MTA3: variants seen among roughly 807,000 people sequenced by gnomAD.
The protein encoded by MTA3 is metastasis associated 1 family member 3.
MTA3 carries 34 observed loss-of-function variants against 83.5 expected under a neutral mutation model. The observed-to-expected ratio is 0.41, with a 90% confidence interval of 0.31 to 0.54. MTA3 has a LOEUF of 0.54. MTA3 is among the 20% of genes least tolerant of loss of function. The pLI is 0.33. For missense variants in MTA3, 761 were observed against 726.4 expected (o/e 1.05, Z -0.55); for synonymous variants, 303 against 252.7 (o/e 1.20, Z -1.89).
intron 7 of MTA3, 65 bp from the exon 8 acceptor site, chr2:42,659,698 A>G (rs1305561785): frequency 4.7e-6 from 6 of 1,268,678 alleles, no homozygotes; most frequent in African/African-American, 1.6e-5. Context: ...TGTTTTTTAA[A>G]ACGTTAAAAA....
chr2:42,591,095 G>A (rs909060838), intron 3 of MTA3, among the ~76,000 whole-genome samples: 5 of 114,682 alleles, frequency 4.4e-5, no homozygotes, highest in African/African-American at 1.4e-4. Flanking sequence ...ATCATAGAGT[G>A]TACTTACACA....
At chr2:42,748,447 A>C (rs991553112) in intron 16 of MTA3, among the ~76,000 whole-genome samples, 1 of 152,162 alleles carries the variant, frequency 6.6e-6, no homozygotes, top group African/African-American at 2.4e-5. Flanking sequence ...TTCTATCATC[A>C]AGTTCGCTGA....
chr2:42,590,679 G>C (rs997623848), intron 3 of MTA3, among the ~76,000 whole-genome samples: 1 of 147,880 alleles, frequency 6.8e-6, no homozygotes, highest in East Asian at 2.0e-4. Context: ...GGAGTGCAAT[G>C]GTGCGATCTC....
intron 15 of MTA3, among the ~76,000 whole-genome samples, chr2:42,721,189 C>A (rs1452455828): frequency 6.6e-6 from 1 of 151,896 alleles, no homozygotes; most frequent in African/African-American, 2.4e-5. Flanking sequence ...ATGGGTAAGA[C>A]CTTGCCCTCA....
At chr2:42,694,966 C>A (rs569176580) in intron 9 of MTA3, among the ~76,000 whole-genome samples, 154 of 151,792 alleles carry the variant, frequency 1.0e-3, no homozygotes, top group African/African-American at 3.5e-3. Flanking sequence ...TAGGGAGACC[C>A]CAACTCTACA....
chr2:42,656,253 A>G lies in MTA3; in HGVS notation c.553A>G (p.Asn185Asp). 2 of 1,613,868 alleles carry G rather than the reference A, an allele frequency of 1.2e-6. No homozygotes were observed. Among genetic ancestry groups the G allele is most frequent in the East Asian group, 2.2e-5 (1 of 44,844 alleles). ...ATTGGAAGTTAAAGTTTGGGATCCA[A>G]ATAGCCCACTTACGGATCGACAGAT... ...SKLEVKVWDP[N>D]SPLTDRQIDQ... The change falls in exon 7 of 17, where the codon AAT becomes GAT. Residue 185 changes from asparagine to aspartate, a missense_variant. Coordinates refer to ENST00000405094, the MANE Select transcript of MTA3 (RefSeq NM_001330442.2).
At chr2:42,597,300 T>G (rs1437317628) in intron 3 of MTA3, among the ~76,000 whole-genome samples, 2 of 151,112 alleles carry the variant, frequency 1.3e-5, no homozygotes, top group Non-Finnish European at 3.0e-5. Context: ...ACTGGTTTCA[T>G]GTGATCCTAC....
intron 3 of MTA3, among the ~76,000 whole-genome samples, chr2:42,608,639 T>C (rs1683796100): frequency 6.6e-6 from 1 of 152,162 alleles, no homozygotes; most frequent in Admixed American, 6.6e-5. Context: ...TCCCAGCACT[T>C]TGGGAGGCCA....
intron 14 of MTA3, among the ~76,000 whole-genome samples, chr2:42,715,291 A>AT: frequency 6.6e-6 from 1 of 151,218 alleles, no homozygotes; most frequent in South Asian, 2.1e-4. Context: ...GGCCAACTGT[A>AT]TTTTTCCTAC....
At chr2:42,543,167 A>G (rs1291625038) in intron 2 of MTA3, among the ~76,000 whole-genome samples, 1 of 151,854 alleles carries the variant, frequency 6.6e-6, no homozygotes, top group Non-Finnish European at 1.5e-5. Context: ...GGATCTGAAA[A>G]ACATCTTAAA....
chr2:42,591,380 T>A (rs1680970569), intron 3 of MTA3, among the ~76,000 whole-genome samples: 1 of 152,200 alleles, frequency 6.6e-6, no homozygotes, highest in African/African-American at 2.4e-5. Flanking sequence ...TGGTAGAATG[T>A]GAAGGCCTAG....
At chr2:42,551,576 A>G (rs1288159336) in intron 2 of MTA3, among the ~76,000 whole-genome samples, 1 of 152,004 alleles carries the variant, frequency 6.6e-6, no homozygotes, top group Non-Finnish European at 1.5e-5. Context: ...CTTCTCAAAG[A>G]GCTTACATTT....
At chr2:42,573,609 C>T (rs1055013127) in intron 2 of MTA3, among the ~76,000 whole-genome samples, 9 of 152,198 alleles carry the variant, frequency 5.9e-5, no homozygotes, top group African/African-American at 1.4e-4. Context: ...CTCCTGGGTT[C>T]AAGCAATTCT....
rs976917031 is a variant in MTA3 at position 42,756,710 on chromosome 2, C to A, written c.*3311C>A. The A allele has an allele frequency of 1.8e-5, 18 of 985,332 alleles. No homozygotes were observed. In the African/African-American group the frequency reaches 3.1e-4, roughly 17 times the overall value. 61.0% of individuals were successfully genotyped at this position (985,332 alleles called of 1,614,324 possible). ...TACTCAGTTAGCAGCCCCTCCTCACCATTCCCCCCAGGAAGGCCATGTCCC... is the reference window on the plus strand; with the variant it reads ...TACTCAGTTAGCAGCCCCTCCTCACAATTCCCCCCAGGAAGGCCATGTCCC... On this transcript the variant is annotated 3_prime_UTR_variant, in exon 17 of 17. Transcript: ENST00000405094.
intron 16 of MTA3, among the ~76,000 whole-genome samples, chr2:42,734,734 G>A (rs1411861307): frequency 1.3e-5 from 2 of 151,232 alleles, no homozygotes. Context: ...TTTGATTTCT[G>A]GTTACCATAA....
At chr2:42,544,474 A>G (rs928528020) in intron 2 of MTA3, among the ~76,000 whole-genome samples, 3 of 139,870 alleles carry the variant, frequency 2.1e-5, no homozygotes, top group Non-Finnish European at 4.6e-5. Flanking sequence ...AAACAAAAAC[A>G]AAAAAAAAAA....
At chr2:42,625,766 A>AG (rs1331551163) in intron 4 of MTA3, among the ~76,000 whole-genome samples, 1 of 150,404 alleles carries the variant, frequency 6.6e-6, no homozygotes, top group East Asian at 1.9e-4. Flanking sequence ...AAAAAAAAAA[A>AG]ATTTGTTTTC....
intron 4 of MTA3, among the ~76,000 whole-genome samples, chr2:42,626,656 A>C (rs1449008112): frequency 1.3e-5 from 2 of 152,084 alleles, no homozygotes; most frequent in East Asian, 3.9e-4. Context: ...TGACTTTTCT[A>C]AGTCTTACCC....
chr2:42,726,651 G>A (rs1667842734), intron 16 of MTA3, among the ~76,000 whole-genome samples: 1 of 152,274 alleles, frequency 6.6e-6, no homozygotes, highest in East Asian at 1.9e-4. Context: ...GATGGGAAAG[G>A]AGTCTGTGAA....
Sources: gnomAD v4.1 joint callset for allele counts (sites outside exome capture counted in the v4.1 genomes callset) on GRCh38, gnomAD v4.1.1 for gene constraint, MANE v1.5 for transcripts, NCBI Gene and HGNC (gene_info 2026-07-23, HGNC 2026-07-21) for gene names.